The following IL3RA variants were observed in gnomAD, a reference collection of about 807,000 sequenced individuals.
The protein encoded by IL3RA is interleukin 3 receptor subunit alpha.
IL3RA carries 73 observed loss-of-function variants against 52.3 expected under a neutral mutation model. The observed-to-expected ratio is 1.40, with a 90% CI of 1.16 to 1.70. The LOEUF is 1.70. Among genes scored for constraint, IL3RA ranks in the 40% most tolerant of loss-of-function variants. The probability of loss-of-function intolerance (pLI) is 0.00; values close to 1 mark genes in which losing one functional copy is unlikely to be tolerated. For synonymous variants in IL3RA, 260 were observed against 194.0 expected (o/e 1.34, Z -2.83); for missense variants, 664 against 504.4 (o/e 1.32, Z -3.03).
chrX:1,352,611 G>C lies in IL3RA; in HGVS notation c.616+105G>C, dbSNP rs111824836. The C allele has an allele frequency of 5.6e-4, 680 of 1,205,702 alleles. 4 individuals are homozygous for C. The African/African-American group carries it at 9.6e-3, about 17-fold the overall frequency. 74.7% of individuals were successfully genotyped at this position (1,205,702 alleles called of 1,614,324 possible). ...CACGTGGCTCCCAACGCAGACGTTG[G>C]CCTCTCACATTTCCAGAGGCTGGAC... On this transcript the variant is annotated intron_variant, in intron 6 of 11. Coordinates refer to ENST00000331035, the MANE Select transcript of IL3RA (RefSeq NM_002183.4).
rs375915309 is a variant in IL3RA, at chrX:1,348,684, TTC to T, written c.298+141_298+142del. On this transcript the variant is annotated intron_variant, in intron 4 of 11. Coordinates refer to ENST00000331035, the MANE Select transcript of IL3RA (RefSeq NM_002183.4). ...TTTCTTTCTTTCTTTCTTTCTTTCT[TTC>T]TTTCTTTTTCTTTCTTTCTGTTTCT... The T allele has an allele frequency of 8.5e-4, 232 of 272,642 alleles. 1 individual carries two copies. Among genetic ancestry groups the T allele is most frequent in the East Asian group, 7.7e-3 (221 of 28,828 alleles). The allele number at this position is 272,642 out of a possible 1,614,324, so 16.9% of individuals were successfully genotyped here. A position where few individuals can be genotyped will look rare whatever the true frequency, so the allele number is the denominator to read the frequency against.
intron 2 of IL3RA, 46 bp downstream of exon 2, chrX:1,341,875 G>C (rs764529811): frequency 1.3e-6 from 2 of 1,589,324 alleles, no homozygotes; most frequent in East Asian, 2.2e-5. Flanking sequence ...GGAGCGGTGG[G>C]GGTAGACAGA....
At position 1,379,633 on chromosome X, in the gene IL3RA, C is replaced by T. The variant is rs191081550; in HGVS notation, c.980+869C>T. ...CAGCGGGCCTGACACAGTCAGAGGGCGAAAGGCCAGGCTTTCTGGTCGGGA... is the reference window on the plus strand; with the variant it reads ...CAGCGGGCCTGACACAGTCAGAGGGTGAAAGGCCAGGCTTTCTGGTCGGGA... On this transcript the variant is annotated intron_variant, in intron 10 of 11. Transcript: ENST00000331035. Among the ~76,000 whole-genome samples the T allele has an allele frequency of 3.4e-4, 52 of 152,316 alleles. 1 individual carries two copies. In the South Asian group the frequency reaches 9.1e-3, roughly 27 times the overall value.
Position 1,361,648 on chromosome X carries a change from G to A in IL3RA, c.759+2761G>A, listed in dbSNP as rs764568977. Among the ~76,000 whole-genome samples, 29 of 151,884 alleles carry A rather than the reference G, an allele frequency of 1.9e-4. No individual in the cohort carries two copies. The South Asian group carries it at 5.6e-3, about 30-fold the overall frequency. On this transcript the variant is annotated intron_variant, in intron 8 of 11. Coordinates refer to ENST00000331035, the MANE Select transcript of IL3RA (RefSeq NM_002183.4). ...GGCGCCTGTGGTCCCAGCTACTCGG[G>A]AGGCTGAAGCAGGAGAATCGCTTGA...
At chrX:1,363,456 G>T (rs776618081) in intron 8 of IL3RA, among the ~76,000 whole-genome samples, 1 of 151,402 alleles carries the variant, frequency 6.6e-6, no homozygotes, top group Non-Finnish European at 1.5e-5. Flanking sequence ...GCCCGCCACC[G>T]GGCCCGGCTA....
chrX:1,348,675 TTTC>T, intron 4 of IL3RA, 130 bp downstream of exon 4: 2 of 398,786 alleles, frequency 5.0e-6, no homozygotes, highest in Middle Eastern at 6.2e-4. Flanking sequence ...TCTTTCTTTC[TTTC>T]TTTCTTTCTT....
chrX:1,374,071 A>G (rs1422894009), intron 9 of IL3RA, among the ~76,000 whole-genome samples: 13 of 57,384 alleles, frequency 2.3e-4, no homozygotes, highest in Middle Eastern at 8.3e-3. Context: ...ACCCTGTGGG[A>G]CACAGGGAGA....
chrX:1,357,609 G>A lies in IL3RA; in HGVS notation c.733-1252G>A, dbSNP rs570124866. On this transcript the variant is annotated intron_variant, in intron 7 of 11. Coordinates refer to ENST00000331035, the MANE Select transcript of IL3RA (RefSeq NM_002183.4). ...GAACTCCTGACCTCATGATCCACCCGCCTCAGCTTCCCAAAGTGCTGGGAT... is the reference window on the plus strand; with the variant it reads ...GAACTCCTGACCTCATGATCCACCCACCTCAGCTTCCCAAAGTGCTGGGAT... Among the ~76,000 whole-genome samples, 12 of 151,556 alleles carry A rather than the reference G, an allele frequency of 7.9e-5. No individual in the cohort carries two copies. The South Asian group carries it at 1.3e-3, about 16-fold the overall frequency.
chrX:1,340,381 G>A (rs1318943302), intron 1 of IL3RA, among the ~76,000 whole-genome samples: 3 of 152,160 alleles, frequency 2.0e-5, no homozygotes, highest in Admixed American at 1.3e-4. Context: ...TTCCCAAAGT[G>A]CTGGGATTAC....
chrX:1,348,364 T>G, intron 3 of IL3RA, 67 bp from the exon 4 acceptor site: 3 of 1,282,460 alleles, frequency 2.3e-6, no homozygotes, highest in Middle Eastern at 1.9e-4. Context: ...AAAAAAAATC[T>G]GAACATCATT....
chrX:1,368,120 G>A (rs1362320214), intron 9 of IL3RA, among the ~76,000 whole-genome samples: 1 of 152,114 alleles, frequency 6.6e-6, no homozygotes, highest in Non-Finnish European at 1.5e-5. Flanking sequence ...TTAGCCAGGC[G>A]TGGTGATGGG....
At chrX:1,339,597 G>C (rs1486162143) in intron 1 of IL3RA, among the ~76,000 whole-genome samples, 1 of 152,090 alleles carries the variant, frequency 6.6e-6, no homozygotes, top group Non-Finnish European at 1.5e-5. Flanking sequence ...TTCGAGACCA[G>C]CCTGACCAAC....
intron 4 of IL3RA, among the ~76,000 whole-genome samples, chrX:1,349,324 G>C (rs754472076): frequency 2.0e-5 from 3 of 151,664 alleles, no homozygotes; most frequent in African/African-American, 4.8e-5. Context: ...TGGGATTATA[G>C]GCGCCCACCG....
At chrX:1,362,230 C>G (rs2087478974) in intron 8 of IL3RA, among the ~76,000 whole-genome samples, 1 of 151,820 alleles carries the variant, frequency 6.6e-6, no homozygotes, top group South Asian at 2.1e-4. Context: ...CCATCACCCA[C>G]TCTGTCTGTC....
intron 8 of IL3RA, among the ~76,000 whole-genome samples, chrX:1,362,202 TTCTG>T (rs1234734607): frequency 2.6e-5 from 4 of 151,590 alleles, no homozygotes; most frequent in Non-Finnish European, 5.9e-5. Flanking sequence ...GTCTCTCCGT[TTCTG>T]TCTCTCTCTC....
rs1308251980 is a variant in IL3RA, at chrX:1,382,552, C to T, written c.*87C>T. ...ACAGACTGGCTGCTGGACCTGCGCA[C>T]GCAGCCCAGGAATGGACATTCCTAA... On this transcript the variant is annotated 3_prime_UTR_variant, in exon 12 of 12. Transcript: ENST00000331035. 2.4e-5 allele frequency: 29 copies of T among 1,228,998 alleles called. No individual in the cohort carries two copies. The highest frequency in any genetic ancestry group is 5.9e-5 in the African/African-American group (4 of 67,320). The allele number at this position is 1,228,998 out of a possible 1,614,324, so 76.1% of individuals were successfully genotyped here.
intron 4 of IL3RA, 113 bp downstream of exon 4, chrX:1,348,658 C>CTTTCTTTT (rs1569520687): frequency 2.3e-6 from 1 of 428,394 alleles, no homozygotes; most frequent in East Asian, 3.6e-5. Flanking sequence ...TTCTTTCTTT[C>CTTTCTTTT]TTTCTTTCTT....
chrX:1,353,913 C>G (rs1259479676), intron 6 of IL3RA, among the ~76,000 whole-genome samples: 1 of 142,458 alleles, frequency 7.0e-6, no homozygotes, highest in Non-Finnish European at 1.5e-5. Context: ...CATGGGATCC[C>G]TCATCATGGG....
intron 8 of IL3RA, among the ~76,000 whole-genome samples, chrX:1,364,199 A>T (rs1482092780): frequency 2.7e-5 from 4 of 146,342 alleles, no homozygotes; most frequent in Admixed American, 6.9e-5. Context: ...AAAAAAAAAA[A>T]ATTTTTTTTT....
Sources: gnomAD v4.1 joint callset for allele counts (sites outside exome capture counted in the v4.1 genomes callset) on GRCh38, gnomAD v4.1.1 for gene constraint, MANE v1.5 for transcripts, NCBI Gene and HGNC (gene_info 2026-07-23, HGNC 2026-07-21) for gene names.